AGBL4: variants seen among roughly 807,000 people sequenced by gnomAD.
The protein encoded by AGBL4 is cytosolic carboxypeptidase 6.
AGBL4 carries 58 observed loss-of-function variants against 66.4 expected under a neutral mutation model. The observed-to-expected ratio is 0.87, with a 90% CI of 0.71 to 1.09. The LOEUF (loss-of-function observed/expected upper bound fraction) is 1.09. Among genes scored for constraint, AGBL4 ranks in the 50% least tolerant of loss-of-function variants. AGBL4 has a pLI of 0.00. For synonymous variants in AGBL4, 234 were observed against 222.9 expected (o/e 1.05, Z -0.44); for missense variants, 579 against 631.0 (o/e 0.92, Z 0.88).
chr1:48,903,528 A>T (rs765959441), intron 5 of AGBL4, among the ~76,000 whole-genome samples: 6 of 152,186 alleles, frequency 3.9e-5, no homozygotes, highest in Non-Finnish European at 8.8e-5. Flanking sequence ...GGAGACTCTT[A>T]ACAGGATTTG....
chr1:49,476,659 C>T (rs768601166), intron 3 of AGBL4, among the ~76,000 whole-genome samples: 2 of 151,938 alleles, frequency 1.3e-5, no homozygotes, highest in African/African-American at 2.4e-5. Flanking sequence ...TTATATAATG[C>T]CCTTCTTGGT....
chr1:49,839,291 A>G (rs545655122), intron 2 of AGBL4, among the ~76,000 whole-genome samples: 27 of 152,314 alleles, frequency 1.8e-4, no homozygotes, highest in African/African-American at 6.5e-4. Context: ...TGAGTCAGAA[A>G]CAAGGAACAG....
intron 3 of AGBL4, among the ~76,000 whole-genome samples, chr1:49,385,266 C>A (rs1644713215): frequency 6.6e-6 from 1 of 152,066 alleles, no homozygotes; most frequent in Non-Finnish European, 1.5e-5. Context: ...AGTATACCTA[C>A]AAATGGTTAG....
chr1:48,537,942 T>C (rs1644000337), intron 12 of AGBL4, among the ~76,000 whole-genome samples: 1 of 152,192 alleles, frequency 6.6e-6, no homozygotes, highest in South Asian at 2.1e-4. Context: ...TTCCCTCCTG[T>C]CAGGGGCCTG....
intron 3 of AGBL4, among the ~76,000 whole-genome samples, chr1:49,398,364 T>G (rs557850826): frequency 2.3e-3 from 318 of 140,232 alleles, no homozygotes; most frequent in Non-Finnish European, 3.1e-3. Flanking sequence ...TCTCTCTCTC[T>G]CTCGCTCCTG....
intron 2 of AGBL4, among the ~76,000 whole-genome samples, chr1:49,827,396 TA>T (rs879883522): frequency 1.6e-4 from 25 of 151,968 alleles, no homozygotes; most frequent in African/African-American, 2.4e-4. Context: ...TTTTTGAAAT[TA>T]AAAAAAAGTT....
chr1:49,761,129 C>T (rs960899898), intron 2 of AGBL4, among the ~76,000 whole-genome samples: 6 of 149,768 alleles, frequency 4.0e-5, no homozygotes, highest in African/African-American at 1.5e-4. Flanking sequence ...CACATGCATC[C>T]CGTTTTTTTT....
chr1:49,186,798 A>G (rs1327924424), intron 4 of AGBL4, among the ~76,000 whole-genome samples: 1 of 152,202 alleles, frequency 6.6e-6, no homozygotes, highest in South Asian at 2.1e-4. Flanking sequence ...AAATAATAAC[A>G]TAAGTAAAAT....
At chr1:49,185,421 C>T (rs1267984493) in intron 4 of AGBL4, among the ~76,000 whole-genome samples, 4 of 152,152 alleles carry the variant, frequency 2.6e-5, no homozygotes, top group Admixed American at 1.3e-4. Context: ...CCATAGTTAA[C>T]GATGTGCCAA....
At chr1:49,489,121 T>C (rs980575654) in intron 3 of AGBL4, among the ~76,000 whole-genome samples, 4 of 151,700 alleles carry the variant, frequency 2.6e-5, no homozygotes, top group Non-Finnish European at 4.4e-5. Flanking sequence ...CTGTTCTCTA[T>C]AGTGTGTACT....
chr1:49,538,972 C>T (rs894915363), intron 3 of AGBL4, among the ~76,000 whole-genome samples: 5 of 152,136 alleles, frequency 3.3e-5, no homozygotes, highest in African/African-American at 7.2e-5. Context: ...TGTACACAAA[C>T]GCATTTGTAT....
chr1:49,606,897 G>A (rs1187038622), intron 3 of AGBL4, among the ~76,000 whole-genome samples: 1 of 152,040 alleles, frequency 6.6e-6, no homozygotes, highest in Non-Finnish European at 1.5e-5. Context: ...TGGCATCACA[G>A]GAGGCAAGGG....
intron 4 of AGBL4, among the ~76,000 whole-genome samples, chr1:49,137,591 C>CA (rs1440872740): frequency 6.6e-6 from 1 of 152,096 alleles, no homozygotes; most frequent in African/African-American, 2.4e-5. Flanking sequence ...TCAAGAACCC[C>CA]AAACCTGGTT....
chr1:49,590,769 T>C (rs1644737272), intron 3 of AGBL4, among the ~76,000 whole-genome samples: 1 of 152,040 alleles, frequency 6.6e-6, no homozygotes, highest in Non-Finnish European at 1.5e-5. Flanking sequence ...GAGAAAAATA[T>C]GCATTAAATA....
At chr1:49,068,846 A>C (rs538229167) in intron 4 of AGBL4, among the ~76,000 whole-genome samples, 1 of 152,300 alleles carries the variant, frequency 6.6e-6, no homozygotes, top group South Asian at 2.1e-4. Flanking sequence ...CACTCCCATC[A>C]ACAGTGTAAA....
At chr1:49,485,410 G>A (rs1457889301) in intron 3 of AGBL4, among the ~76,000 whole-genome samples, 2 of 131,996 alleles carry the variant, frequency 1.5e-5, no homozygotes, top group Non-Finnish European at 3.1e-5. Flanking sequence ...TGAACAATGA[G>A]AACACATGGA....
At chr1:49,421,324 C>G (rs576966506) in intron 3 of AGBL4, among the ~76,000 whole-genome samples, 1 of 151,810 alleles carries the variant, frequency 6.6e-6, no homozygotes, top group African/African-American at 2.4e-5. Context: ...AAAAATGACT[C>G]TGTTGTCTTC....
At chr1:48,719,552 G>C (rs1446977598) in intron 6 of AGBL4, among the ~76,000 whole-genome samples, 1 of 152,186 alleles carries the variant, frequency 6.6e-6, no homozygotes, top group Non-Finnish European at 1.5e-5. Context: ...TAGCAGCTCA[G>C]CCTGGAACCA....
intron 9 of AGBL4, 39 bp downstream of exon 9, chr1:48,634,454 C>T: frequency 6.7e-7 from 1 of 1,493,854 alleles, no homozygotes; most frequent in Non-Finnish European, 9.1e-7. Context: ...CCAGATCAAG[C>T]CATAGATCAG....
Sources: allele counts gnomAD v4.1 joint callset (sites outside exome capture counted in the v4.1 genomes callset), GRCh38; gene constraint gnomAD v4.1.1; transcripts MANE v1.5; gene names NCBI Gene and HGNC (gene_info 2026-07-23, HGNC 2026-07-21).